The following FAT3 variants were observed in gnomAD, a reference collection of about 807,000 sequenced individuals.
The protein encoded by FAT3 is protocadherin Fat 3.
FAT3 carries 95 observed loss-of-function variants against 310.2 expected under a neutral mutation model. The observed-to-expected ratio is 0.31, with a 90% confidence interval of 0.26 to 0.36. FAT3 has a LOEUF of 0.36. FAT3 is among the 10% of genes least tolerant of loss of function. The probability of loss-of-function intolerance (pLI) is 1.00; values close to 1 mark genes in which losing one functional copy is unlikely to be tolerated. For missense variants in FAT3, 5,408 were observed against 5,715.6 expected, an observed-to-expected ratio of 0.95 and a Z score of 1.74; for synonymous variants, 2,314 against 2,192.9, an observed-to-expected ratio of 1.06 and a Z score of -1.54.
chr11:92,765,943 C>T (rs1426677823), intron 6 of FAT3, among the ~76,000 whole-genome samples: 1 of 152,094 alleles, frequency 6.6e-6, no homozygotes, highest in East Asian at 1.9e-4. Context: ...TGTTTTGCAG[C>T]GGTAGTACCA....
intron 4 of FAT3, among the ~76,000 whole-genome samples, chr11:92,730,209 A>T (rs995007481): frequency 2.6e-5 from 4 of 152,126 alleles, no homozygotes; most frequent in African/African-American, 9.7e-5. Flanking sequence ...ATGGTGGCTC[A>T]TGCCTGTAGT....
At chr11:92,330,775 CA>C (rs962216456) in intron 1 of FAT3, among the ~76,000 whole-genome samples, 1 of 152,044 alleles carries the variant, frequency 6.6e-6, no homozygotes, top group Non-Finnish European at 1.5e-5. Context: ...ATTATGCCTA[CA>C]AAATGTGTAA....
chr11:92,879,521 A>ATT (rs1365652205), intron 22 of FAT3, among the ~76,000 whole-genome samples: 1 of 152,230 alleles, frequency 6.6e-6, no homozygotes, highest in Non-Finnish European at 1.5e-5. Flanking sequence ...AACACTGGAC[A>ATT]TTTTTTAACT....
intron 2 of FAT3, among the ~76,000 whole-genome samples, chr11:92,452,670 C>T (rs999279493): frequency 1.1e-4 from 16 of 152,274 alleles, no homozygotes; most frequent in African/African-American, 3.4e-4. Context: ...TGAATACTCA[C>T]TCTTCGATAG....
chr11:92,679,986 T>A (rs1054488210), intron 3 of FAT3, among the ~76,000 whole-genome samples: 1 of 152,074 alleles, frequency 6.6e-6, no homozygotes, highest in Non-Finnish European at 1.5e-5. Context: ...TTGTTTCTTG[T>A]ATATTCTGAA....
intron 1 of FAT3, among the ~76,000 whole-genome samples, chr11:92,283,433 T>C (rs1946479649): frequency 6.6e-6 from 1 of 152,180 alleles, no homozygotes; most frequent in Non-Finnish European, 1.5e-5. Flanking sequence ...TAATCCTGGT[T>C]CTATCGGTAC....
At chr11:92,703,896 C>T (rs1244941864) in intron 4 of FAT3, among the ~76,000 whole-genome samples, 2 of 152,206 alleles carry the variant, frequency 1.3e-5, no homozygotes, top group African/African-American at 2.4e-5. Flanking sequence ...GTCTTGGCAT[C>T]AAGAAACTGT....
chr11:92,709,440 C>A (rs149209388), intron 4 of FAT3, among the ~76,000 whole-genome samples: 135 of 152,276 alleles, frequency 8.9e-4, no homozygotes, highest in African/African-American at 3.1e-3. Flanking sequence ...TTAGGCTATT[C>A]TTAGCTTCAT....
At chr11:92,829,282 T>G (rs1418202943) in intron 13 of FAT3, among the ~76,000 whole-genome samples, 1 of 152,204 alleles carries the variant, frequency 6.6e-6, no homozygotes. Context: ...CTAATGGAAG[T>G]CCCTGCATGA....
chr11:92,484,404 G>A (rs1051822404), intron 2 of FAT3, among the ~76,000 whole-genome samples: 1 of 152,056 alleles, frequency 6.6e-6, no homozygotes, highest in East Asian at 1.9e-4. Context: ...AAACCTCTGG[G>A]AGATACTGCT....
At chr11:92,231,167 G>A (rs1388349278) in intron 1 of FAT3, among the ~76,000 whole-genome samples, 7 of 152,206 alleles carry the variant, frequency 4.6e-5, no homozygotes, top group Admixed American at 4.6e-4. Context: ...GAGCCTGCAT[G>A]CAGGTGCACA....
At chr11:92,523,180 C>A (rs1953742448) in intron 2 of FAT3, among the ~76,000 whole-genome samples, 1 of 150,866 alleles carries the variant, frequency 6.6e-6, no homozygotes, top group African/African-American at 2.5e-5. Flanking sequence ...GTTGTTGTTG[C>A]TTTTACTTCT....
At chr11:92,615,486 A>T (rs2135642053) in intron 3 of FAT3, among the ~76,000 whole-genome samples, 1 of 152,292 alleles carries the variant, frequency 6.6e-6, no homozygotes, top group South Asian at 2.1e-4. Context: ...ACCTCAGGTG[A>T]TCCACCCACC....
At chr11:92,387,171 C>T (rs1199740191) in intron 2 of FAT3, among the ~76,000 whole-genome samples, 1 of 150,606 alleles carries the variant, frequency 6.6e-6, no homozygotes, top group Admixed American at 6.6e-5. Context: ...GGAACCAGGT[C>T]CAAATAGAGA....
chr11:92,429,247 T>C (rs1038072137), intron 2 of FAT3, among the ~76,000 whole-genome samples: 1 of 152,110 alleles, frequency 6.6e-6, no homozygotes, highest in Non-Finnish European at 1.5e-5. Context: ...TCTTCATCCA[T>C]CCCTTTATTT....
At chr11:92,333,734 A>AT (rs35671347) in intron 1 of FAT3, among the ~76,000 whole-genome samples, 138 of 148,090 alleles carry the variant, frequency 9.3e-4, no homozygotes, top group Middle Eastern at 3.5e-3. Flanking sequence ...CCTTAAAAGT[A>AT]TTTTTTTTTT....
chr11:92,637,092 G>T (rs753712334), intron 3 of FAT3, among the ~76,000 whole-genome samples: 12 of 152,160 alleles, frequency 7.9e-5, no homozygotes, highest in Non-Finnish European at 1.5e-4. Context: ...CAGGCATTAG[G>T]CTGGGAGAGT....
intron 2 of FAT3, among the ~76,000 whole-genome samples, chr11:92,386,383 C>T (rs1013372295): frequency 6.6e-6 from 1 of 152,140 alleles, no homozygotes; most frequent in African/African-American, 2.4e-5. Context: ...AGACTTCAAA[C>T]ATAGTGAACA....
At chr11:92,452,356 G>A (rs1168816980) in intron 2 of FAT3, among the ~76,000 whole-genome samples, 1 of 152,092 alleles carries the variant, frequency 6.6e-6, no homozygotes, top group Non-Finnish European at 1.5e-5. Flanking sequence ...GCAAAAACGT[G>A]GATTTTACAG....
Sources: gnomAD v4.1 joint callset for allele counts (sites outside exome capture counted in the v4.1 genomes callset) on GRCh38, gnomAD v4.1.1 for gene constraint, MANE v1.5 for transcripts, NCBI Gene and HGNC (gene_info 2026-07-23, HGNC 2026-07-21) for gene names.